Variants in CCDC73 observed in about 807,000 individuals in gnomAD.
CCDC73 encodes the protein coiled-coil domain containing 73.
Under a neutral mutation model 116.5 loss-of-function variants are expected in CCDC73, and 95 were observed. That is an observed-to-expected ratio of 0.82 (90% confidence interval 0.69 to 0.97). The LOEUF is 0.97. CCDC73 is among the 50% of genes least tolerant of loss of function. CCDC73 has a pLI of 0.00. For synonymous variants in CCDC73, 398 were observed against 401.3 expected (o/e 0.99, Z 0.10); for missense variants, 1,066 against 1,206.8 (o/e 0.88, Z 1.73).
In CCDC73 at chr11:32,791,474, G is replaced by A. The variant is rs570233127; in HGVS notation, c.-16+3139C>T. On this transcript the variant is annotated intron_variant, in intron 1 of 17. Coordinates refer to ENST00000335185, the MANE Select transcript of CCDC73 (RefSeq NM_001008391.4). Reference sequence around the variant, plus strand: ...GTTGGAGCCTGTTTAACTTTAATCCGTATTTCCCAAGTTTACCTTGATCTT... The same window carrying A: ...GTTGGAGCCTGTTTAACTTTAATCCATATTTCCCAAGTTTACCTTGATCTT... Among the ~76,000 whole-genome samples, 12 of 152,262 alleles carry A rather than the reference G, an allele frequency of 7.9e-5. No homozygotes were observed. In the South Asian group the frequency reaches 1.7e-3, roughly 21 times the overall value.
chr11:32,744,845 C>A (rs554318457), intron 2 of CCDC73, among the ~76,000 whole-genome samples: 1 of 152,156 alleles, frequency 6.6e-6, no homozygotes, highest in Admixed American at 6.5e-5. Flanking sequence ...TTGATCTTTT[C>A]AAAAAACCAG....
At chr11:32,821,501 C>T in the CCDC73 span, among the ~76,000 whole-genome samples, 1 of 152,096 alleles carries the variant, frequency 6.6e-6, no homozygotes, top group African/African-American at 2.4e-5. Context: ...GGATGTCTTA[C>T]AAAGGCACAA....
chr11:32,660,767 G>A (rs1855915946), intron 9 of CCDC73, among the ~76,000 whole-genome samples: 1 of 152,078 alleles, frequency 6.6e-6, no homozygotes, highest in African/African-American at 2.4e-5. Context: ...CAGCACTGCA[G>A]TGAGTTGTGA....
At chr11:32,818,122 C>T in the CCDC73 span, among the ~76,000 whole-genome samples, 1 of 152,220 alleles carries the variant, frequency 6.6e-6, no homozygotes, top group African/African-American at 2.4e-5. Flanking sequence ...TTCAAATGCT[C>T]CCTCCTCTGT....
chr11:32,658,052 C>A (rs545181661), intron 9 of CCDC73, among the ~76,000 whole-genome samples: 97 of 141,242 alleles, frequency 6.9e-4, no homozygotes, highest in African/African-American at 1.3e-3. Flanking sequence ...GAAAAAAAAA[C>A]CCCACAGCTT....
In CCDC73 at chr11:32,746,018, C is replaced by T. The variant is rs553130755; in HGVS notation, c.135+14091G>A. Among the ~76,000 whole-genome samples the T allele has an allele frequency of 2.0e-5, 3 of 152,222 alleles. No homozygotes were observed. The South Asian group carries it at 6.2e-4, about 32-fold the overall frequency. On this transcript the variant is annotated intron_variant, in intron 2 of 17. Coordinates refer to ENST00000335185, the MANE Select transcript of CCDC73 (RefSeq NM_001008391.4). Reference sequence around the variant, plus strand: ...ATTAATTGATGTAGTTTCTTCATAGCATTGATGGTCTTTACAATTTGGCAT... The same window carrying T: ...ATTAATTGATGTAGTTTCTTCATAGTATTGATGGTCTTTACAATTTGGCAT...
At chr11:32,795,469 A>C (rs1203640737), upstream of CCDC73, among the ~76,000 whole-genome samples, 1 of 76,128 alleles carries the variant, frequency 1.3e-5, no homozygotes, top group Non-Finnish European at 2.7e-5. Flanking sequence ...AAACCCTGTC[A>C]AAAAAAAAAA....
At chr11:32,770,224 A>G (rs1374374664) in intron 1 of CCDC73, among the ~76,000 whole-genome samples, 4 of 152,342 alleles carry the variant, frequency 2.6e-5, no homozygotes, top group South Asian at 2.1e-4. Context: ...TCTTCATAGC[A>G]TGGTGATCTC....
chr11:32,676,515 A>G (rs935384900), intron 7 of CCDC73, among the ~76,000 whole-genome samples: 1 of 152,216 alleles, frequency 6.6e-6, no homozygotes, highest in African/African-American at 2.4e-5. Flanking sequence ...TTTAATTAAT[A>G]TAGTACCTTC....
intron 3 of CCDC73, among the ~76,000 whole-genome samples, chr11:32,706,331 T>G (rs1350805034): frequency 1.3e-5 from 2 of 152,162 alleles, no homozygotes; most frequent in African/African-American, 4.8e-5. Context: ...GAATTTAATA[T>G]GTAACAAATT....
At chr11:32,763,682 C>A (rs1850413209) in intron 1 of CCDC73, among the ~76,000 whole-genome samples, 1 of 152,188 alleles carries the variant, frequency 6.6e-6, no homozygotes, top group Non-Finnish European at 1.5e-5. Context: ...AGAAGAAAAG[C>A]TGAAAATTCT....
the CCDC73 span, among the ~76,000 whole-genome samples, chr11:32,810,188 A>G: frequency 4.6e-5 from 7 of 152,300 alleles, no homozygotes; most frequent in East Asian, 1.9e-4. Flanking sequence ...TAATTTCACA[A>G]TCTGTGAAGG....
intron 1 of CCDC73, among the ~76,000 whole-genome samples, chr11:32,761,930 C>T (rs1316012192): frequency 1.3e-5 from 2 of 152,172 alleles, no homozygotes; most frequent in African/African-American, 2.4e-5. Context: ...ATTCCCACTT[C>T]CTTGGACAAC....
Position 32,613,649 on chromosome 11 carries a change from G to T in CCDC73, c.2669C>A (p.Thr890Asn), listed in dbSNP as rs1430459155. Residue 890 changes from threonine (T) to asparagine (N), a missense_variant, in exon 16 of 18, where the codon ACT becomes AAT. Transcript: ENST00000335185. Reference protein sequence around the residue: ...RSGRSTFDLSTSDKKTEKTPV... With the variant: ...RSGRSTFDLSNSDKKTEKTPV... ...AGTTTTCTCAGTTTTTTTATCTGAA[G>T]TTGAAAGATCAAAGGTTGACCTTCC... 1 of 1,614,022 alleles carries T rather than the reference G, an allele frequency of 6.2e-7. No individual in the cohort carries two copies. Among genetic ancestry groups the T allele is most frequent in the Non-Finnish European group, 8.5e-7 (1 of 1,179,958 alleles).
At position 32,694,077 on chromosome 11, in the gene CCDC73, A is replaced by T. The variant is rs183652170; in HGVS notation, c.390+5174T>A. Among the ~76,000 whole-genome samples the T allele has an allele frequency of 1.6e-3, 248 of 152,334 alleles. No individual in the cohort carries two copies. In the East Asian group the frequency reaches 0.039, roughly 24 times the overall value. On this transcript the variant is annotated intron_variant, in intron 6 of 17. Coordinates refer to ENST00000335185, the MANE Select transcript of CCDC73 (RefSeq NM_001008391.4). ...AAGTTCTGGCCAGGGCAATCAGGCA[A>T]GAGAAAGAAATAAAGGGTATTCAAT...
At chr11:32,633,410 T>G (rs1050714578) in intron 14 of CCDC73, among the ~76,000 whole-genome samples, 4 of 152,102 alleles carry the variant, frequency 2.6e-5, no homozygotes, top group African/African-American at 4.8e-5. Context: ...AAGGACAAGT[T>G]CTTTGAAAGA....
intron 9 of CCDC73, among the ~76,000 whole-genome samples, chr11:32,668,326 T>C (rs909716297): frequency 6.6e-6 from 1 of 152,208 alleles, no homozygotes; most frequent in Non-Finnish European, 1.5e-5. Flanking sequence ...GGCTTTCCTA[T>C]AGACCATAAG....
At chr11:32,632,776 T>C (rs1010576849) in intron 14 of CCDC73, among the ~76,000 whole-genome samples, 5 of 152,020 alleles carry the variant, frequency 3.3e-5, no homozygotes, top group Non-Finnish European at 5.9e-5. Context: ...AATATATATA[T>C]ATAGTTTTTT....
At chr11:32,756,912 C>T (rs111922324) in intron 2 of CCDC73, among the ~76,000 whole-genome samples, 1,577 of 152,162 alleles carry the variant, frequency 0.01, 26 homozygotes, top group African/African-American at 0.036. Context: ...AAATCAGTAT[C>T]TCATAAGTAG....
Sources: allele counts gnomAD v4.1 joint callset (sites outside exome capture counted in the v4.1 genomes callset), GRCh38; gene constraint gnomAD v4.1.1; transcripts MANE v1.5; gene names NCBI Gene and HGNC (gene_info 2026-07-23, HGNC 2026-07-21).